The following ITPRID1 variants were observed in gnomAD, a reference collection of about 807,000 sequenced individuals.
ITPRID1 encodes the protein protein ITPRID1.
Under a neutral mutation model 95.4 loss-of-function variants are expected in ITPRID1, and 96 were observed. That is an observed-to-expected ratio of 1.01 (90% confidence interval 0.85 to 1.19). ITPRID1 has a LOEUF of 1.19. ITPRID1 is among the 50% of genes most tolerant of loss of function. ITPRID1 has a pLI of 0.00. For synonymous variants in ITPRID1, 510 were observed against 453.6 expected, an observed-to-expected ratio of 1.12 and a Z score of -1.58; for missense variants, 1,339 against 1,252.9, an observed-to-expected ratio of 1.07 and a Z score of -1.04.
At chr7:31,645,149 C>T (rs1790357190) in intron 12 of ITPRID1, among the ~76,000 whole-genome samples, 1 of 152,124 alleles carries the variant, frequency 6.6e-6, no homozygotes. Context: ...ATTTGGGTAA[C>T]AGTAAATTGC....
At chr7:31,556,233 A>T (rs926875580) in intron 5 of ITPRID1, among the ~76,000 whole-genome samples, 2 of 152,184 alleles carry the variant, frequency 1.3e-5, no homozygotes, top group African/African-American at 4.8e-5. Context: ...GGATAGTGAT[A>T]TGGCTCCGAG....
intron 6 of ITPRID1, among the ~76,000 whole-genome samples, chr7:31,571,023 G>GTTT (rs34757342): frequency 6.6e-6 from 1 of 150,478 alleles, no homozygotes; most frequent in Non-Finnish European, 1.5e-5. Flanking sequence ...CCCAGCTATT[G>GTTT]TTTTTTTTTG....
At chr7:31,592,859 G>T (rs999212345) in intron 10 of ITPRID1, among the ~76,000 whole-genome samples, 1 of 152,172 alleles carries the variant, frequency 6.6e-6, no homozygotes, top group South Asian at 2.1e-4. Flanking sequence ...ACCAAGGAAG[G>T]TTAATTGTGA....
At chr7:31,611,097 T>C (rs1450586827) in intron 10 of ITPRID1, among the ~76,000 whole-genome samples, 1 of 151,668 alleles carries the variant, frequency 6.6e-6, no homozygotes, top group Non-Finnish European at 1.5e-5. Context: ...TTAAAATATC[T>C]TGTTATTACT....
chr7:31,515,641 A>G (rs1562539910), intron 1 of ITPRID1, among the ~76,000 whole-genome samples: 3 of 152,260 alleles, frequency 2.0e-5, no homozygotes, highest in Admixed American at 6.5e-5. Context: ...CATGATGTCC[A>G]GTACGTGAAA....
At chr7:31,648,440 T>A (rs924182010) in intron 12 of ITPRID1, among the ~76,000 whole-genome samples, 3 of 152,198 alleles carry the variant, frequency 2.0e-5, no homozygotes, top group African/African-American at 7.2e-5. Context: ...ATTTCTATAC[T>A]TATTCTAGGG....
chr7:31,533,547 G>A (rs1783667800), intron 1 of ITPRID1, among the ~76,000 whole-genome samples: 5 of 151,920 alleles, frequency 3.3e-5, no homozygotes. Context: ...TCTTCCTAAA[G>A]TAGATTCATG....
chr7:31,645,544 G>A (rs1198236461), intron 12 of ITPRID1, among the ~76,000 whole-genome samples: 1 of 151,186 alleles, frequency 6.6e-6, no homozygotes, highest in Non-Finnish European at 1.5e-5. Flanking sequence ...AGTATCAAAA[G>A]ACTTTGGTTC....
chr7:31,573,928 A>C (rs1422593610), intron 7 of ITPRID1, among the ~76,000 whole-genome samples: 7 of 152,022 alleles, frequency 4.6e-5, no homozygotes, highest in Non-Finnish European at 8.8e-5. Context: ...TTATCATTTA[A>C]AGTGCCAAAG....
chr7:31,565,783 T>G (rs1307482525), intron 5 of ITPRID1, among the ~76,000 whole-genome samples: 1 of 152,074 alleles, frequency 6.6e-6, no homozygotes, highest in Non-Finnish European at 1.5e-5. Flanking sequence ...TAGCTGCATT[T>G]GTACATCTAG....
At chr7:31,626,401 A>G (rs1026259030) in intron 10 of ITPRID1, among the ~76,000 whole-genome samples, 8 of 152,246 alleles carry the variant, frequency 5.3e-5, no homozygotes, top group African/African-American at 1.9e-4. Flanking sequence ...AGTGTCACTG[A>G]TAACTTTTAA....
chr7:31,596,357 G>C (rs1354536888), intron 10 of ITPRID1, among the ~76,000 whole-genome samples: 1 of 149,000 alleles, frequency 6.7e-6, no homozygotes, highest in Non-Finnish European at 1.5e-5. Flanking sequence ...AATCTTCCAA[G>C]CATCTTTTAG....
At chr7:31,572,760 T>G (rs1785036793) in intron 7 of ITPRID1, among the ~76,000 whole-genome samples, 1 of 152,146 alleles carries the variant, frequency 6.6e-6, no homozygotes, top group African/African-American at 2.4e-5. Flanking sequence ...CTTAAAAAGT[T>G]AATGATATTT....
intron 10 of ITPRID1, among the ~76,000 whole-genome samples, chr7:31,636,335 G>C (rs753605861): frequency 6.6e-6 from 1 of 152,138 alleles, no homozygotes; most frequent in Non-Finnish European, 1.5e-5. Context: ...GTGTTCTAAC[G>C]TATAATTTCA....
rs1026911607 is a variant in ITPRID1, at chr7:31,624,401, A to C, written c.1229-17775A>C. Among the ~76,000 whole-genome samples the C allele has an allele frequency of 2.1e-3, 304 of 142,202 alleles. 1 individual carries two copies. The highest frequency in any genetic ancestry group is 7.6e-3 in the African/African-American group (289 of 38,104). The allele number at this position is 142,202 out of a possible 152,430, so 93.3% of individuals were successfully genotyped here. Reference sequence around the variant, plus strand: ...ACAAGGCTACAGTAACCAAAACAGCATGGTACTGGTACCAAAACAGAGATA... The same window carrying C: ...ACAAGGCTACAGTAACCAAAACAGCCTGGTACTGGTACCAAAACAGAGATA... On this transcript the variant is annotated intron_variant, in intron 10 of 14. Transcript: ENST00000615280.
chr7:31,605,768 A>C (rs1043673436), intron 10 of ITPRID1, among the ~76,000 whole-genome samples: 1 of 152,206 alleles, frequency 6.6e-6, no homozygotes, highest in Non-Finnish European at 1.5e-5. Flanking sequence ...TTCCTGGGAA[A>C]GTTGAAGCCA....
chr7:31,618,995 T>C (rs1787539147), intron 10 of ITPRID1, among the ~76,000 whole-genome samples: 1 of 152,218 alleles, frequency 6.6e-6, no homozygotes. Context: ...TGATTCTTCA[T>C]CCCCTTACAT....
At position 31,654,434 on chromosome 7, in the gene ITPRID1, T is replaced by C. The variant is rs1447754513; in HGVS notation, c.*1605T>C. 6.6e-6 allele frequency among the ~76,000 whole-genome samples: 1 copy of C among 152,132 alleles called. No homozygotes were observed. Among genetic ancestry groups the C allele is most frequent in the Non-Finnish European group, 1.5e-5 (1 of 68,032 alleles). The stretch of plus-strand genomic sequence containing the variant: ...ATCTGAATCCTTTTTCCAAGGGTAA[T>C]GGAAAGCCACTGTGGGTTTTAAGCA... On this transcript the variant is annotated 3_prime_UTR_variant, in exon 15 of 15. Coordinates refer to ENST00000615280, the MANE Select transcript of ITPRID1 (RefSeq NM_001257967.3).
rs1788480432 is a variant in ITPRID1, at chr7:31,626,501, A to G, written c.1229-15675A>G. 3.9e-5 allele frequency among the ~76,000 whole-genome samples: 6 copies of G among 152,226 alleles called. No individual in the cohort carries two copies. In the South Asian group the frequency reaches 1.2e-3, roughly 32 times the overall value. On this transcript the variant is annotated intron_variant, in intron 10 of 14. Transcript: ENST00000615280. ...CATTTTACTATTTCCTTTCTGTAGT[A>G]TGCTTCCCTTTGCTGTCATGAATAT...
Sources: gnomAD v4.1 joint callset for allele counts (sites outside exome capture counted in the v4.1 genomes callset) on GRCh38, gnomAD v4.1.1 for gene constraint, MANE v1.5 for transcripts, NCBI Gene and HGNC (gene_info 2026-07-23, HGNC 2026-07-21) for gene names.